Variants in COG4 observed in about 807,000 individuals in gnomAD.
COG4 encodes conserved oligomeric Golgi complex subunit 4.
COG4 carries 65 observed loss-of-function variants against 95.1 expected under a neutral mutation model. That is an observed-to-expected ratio of 0.68 (90% CI 0.56 to 0.84). The LOEUF is 0.84. Ranked by LOEUF, COG4 falls within the 40% of genes least tolerant of loss-of-function variation. COG4 has a pLI of 0.00. For missense variants in COG4, 1,045 were observed against 989.1 expected (o/e 1.06, Z -0.76); for synonymous variants, 421 against 374.8 (o/e 1.12, Z -1.42).
intron 8 of COG4, among the ~76,000 whole-genome samples, chr16:70,506,618 C>T (rs4985410): frequency 1.7e-5 from 1 of 59,944 alleles, no homozygotes; most frequent in Non-Finnish European, 2.9e-5. Flanking sequence ...AAAAAAAAAA[C>T]AAAAAAAAAA....
chr16:70,522,579 G>T (rs1272015315), intron 1 of COG4, among the ~76,000 whole-genome samples: 2 of 152,218 alleles, frequency 1.3e-5, no homozygotes, highest in Non-Finnish European at 2.9e-5. Flanking sequence ...TCTCCCTCAG[G>T]CTGAAACTGC....
rs533096914 is a variant in COG4, at chr16:70,521,864, G to C, written c.171+1509C>G. Among the ~76,000 whole-genome samples the C allele has an allele frequency of 7.2e-4, 109 of 151,426 alleles. 1 individual carries two copies. Among genetic ancestry groups the C allele is most frequent in the African/African-American group, 2.5e-3 (104 of 41,260 alleles). On this transcript the variant is annotated intron_variant, in intron 1 of 18. Coordinates refer to ENST00000323786, the MANE Select transcript of COG4 (RefSeq NM_015386.3). ...CTACAGGCGCCCGCCACCACGCCCGGCTAATTTTTTGTATTTTTAGTAGAG... is the reference window on the plus strand; with the variant it reads ...CTACAGGCGCCCGCCACCACGCCCGCCTAATTTTTTGTATTTTTAGTAGAG...
Position 70,482,155 on chromosome 16 carries a change from C to T in COG4, c.1941G>A (p.Glu647=). 1 of 1,613,704 alleles carries T rather than the reference C, an allele frequency of 6.2e-7. No homozygotes were observed. The highest frequency in any genetic ancestry group is 8.5e-7 in the Non-Finnish European group (1 of 1,179,638). ...ACTGTTGTACCCAAGGGTCGTTGGC[C>T]TCATAGTCATTGAATTCTTCCTGTT... is the stretch of plus-strand genomic sequence containing the variant. ...NIEEEEFNDY[E]ANDPWVQQFI... Residue 647 remains glutamate (E), a synonymous_variant, in exon 16 of 19, where the codon GAG becomes GAA. Transcript: ENST00000323786.
chr16:70,493,644 C>A (rs937966041), intron 12 of COG4, among the ~76,000 whole-genome samples: 8 of 152,164 alleles, frequency 5.3e-5, no homozygotes, highest in Admixed American at 3.9e-4. Context: ...TTCACAGACA[C>A]GTGCAGGGAA....
intron 8 of COG4, among the ~76,000 whole-genome samples, chr16:70,506,770 G>C (rs1239641588): frequency 2.6e-5 from 4 of 151,100 alleles, no homozygotes; most frequent in Admixed American, 2.6e-4. Context: ...CTCCAGCCTG[G>C]GAAACAGAGA....
chr16:70,515,815 G>A (rs1340995728), intron 3 of COG4: 1 of 325,140 alleles, frequency 3.1e-6, no homozygotes, highest in Non-Finnish European at 6.0e-6. Flanking sequence ...CAGTAAGTAT[G>A]ATATTAGCTG....
chr16:70,495,240 A>T (rs1367497433), intron 12 of COG4, among the ~76,000 whole-genome samples: 1 of 151,772 alleles, frequency 6.6e-6, no homozygotes, highest in African/African-American at 2.4e-5. Context: ...AAAAAAAAAA[A>T]AAAAAAATTA....
intron 13 of COG4, among the ~76,000 whole-genome samples, chr16:70,486,767 C>A (rs1460358359): frequency 6.6e-6 from 1 of 150,990 alleles, no homozygotes; most frequent in Non-Finnish European, 1.5e-5. Flanking sequence ...GAGGCCGAGG[C>A]GGGCAGATCA....
rs1403503428 is a variant in COG4, at chr16:70,508,386, GAAGA to G, written c.1061+16_1061+19del. On this transcript the variant is annotated intron_variant, in intron 8 of 18. Coordinates refer to ENST00000323786, the MANE Select transcript of COG4 (RefSeq NM_015386.3). ...CCAATTCAAACTCCTGTGGGCTGAA[GAAGA>G]GAGAAGGATTATTACCTTGGTTCGA... The G allele has an allele frequency of 3.7e-6, 6 of 1,606,220 alleles. No individual in the cohort carries two copies. The East Asian group carries it at 1.3e-4, about 36-fold the overall frequency.
chr16:70,520,357 G>A (rs1443452909), intron 1 of COG4, among the ~76,000 whole-genome samples: 2 of 113,932 alleles, frequency 1.8e-5, no homozygotes, highest in African/African-American at 3.4e-5. Context: ...GCAGGAGAAT[G>A]ACATGAACCC....
At chr16:70,509,201 C>T (rs552675620) in intron 7 of COG4, 30 bp downstream of exon 7, 17 of 1,613,852 alleles carry the variant, frequency 1.1e-5, no homozygotes, top group Admixed American at 1.7e-5. Context: ...AAGCTGCTAC[C>T]AAACCCTACC....
In COG4 at chr16:70,509,900, GGA is replaced by G; in HGVS notation, c.844+14_844+15del. 6.3e-7 allele frequency: 1 copy of G among 1,593,696 alleles called. No individual in the cohort carries two copies. The highest frequency in any genetic ancestry group is 8.6e-7 in the Non-Finnish European group (1 of 1,161,452). On this transcript the variant is annotated intron_variant, in intron 6 of 18. Transcript: ENST00000323786. ...ATACAGTCTCCAGTCTCTCTAGAGCGGAGAAAGAGGCTCACCTTCAAACAGAA... is the reference window on the plus strand; with the variant it reads ...ATACAGTCTCCAGTCTCTCTAGAGCGGAAAGAGGCTCACCTTCAAACAGAA...
chr16:70,482,098 C>G lies in COG4; in HGVS notation c.1998G>C (p.Glu666Asp). 1 of 1,613,692 alleles carries G rather than the reference C, an allele frequency of 6.2e-7. No homozygotes were observed. Among genetic ancestry groups the G allele is most frequent in the Non-Finnish European group, 8.5e-7 (1 of 1,179,602 alleles). Residue 666 changes from glutamate (E) to aspartate (D), a missense_variant, in exon 16 of 19, where the codon GAG (glutamate) becomes GAC (aspartate). Coordinates refer to ENST00000323786, the MANE Select transcript of COG4 (RefSeq NM_015386.3). Reference sequence around the variant, plus strand: ...CCCTAGGGCCCCTGCTCACCTTGAACTCTGCCATTTGCTGCTCCAGGTTAA... The same window carrying G: ...CCCTAGGGCCCCTGCTCACCTTGAAGTCTGCCATTTGCTGCTCCAGGTTAA... ...FILNLEQQMA[E>D]FKASLSPVIY... is the part of the protein sequence containing the mutation.
intron 4 of COG4, 46 bp downstream of exon 4, chr16:70,514,289 C>G: frequency 6.3e-7 from 1 of 1,577,138 alleles, no homozygotes; most frequent in East Asian, 2.2e-5. Flanking sequence ...CTTCAGATTA[C>G]AGATGATTTT....
At chr16:70,490,110 G>C (rs1262189482) in intron 13 of COG4, among the ~76,000 whole-genome samples, 6 of 152,184 alleles carry the variant, frequency 3.9e-5, no homozygotes, top group African/African-American at 1.4e-4. Flanking sequence ...GTGCCACCGT[G>C]CCTTGCCTGG....
At chr16:70,482,587 C>T (rs1567720459) in intron 15 of COG4, 142 bp downstream of exon 15, 3 of 729,010 alleles carry the variant, frequency 4.1e-6, no homozygotes, top group Non-Finnish European at 5.0e-6. Flanking sequence ...CTGGGAGGAA[C>T]CTAGTCTTCA....
intron 8 of COG4, among the ~76,000 whole-genome samples, chr16:70,502,316 C>A (rs576446731): frequency 1.4e-5 from 2 of 140,752 alleles, no homozygotes; most frequent in Non-Finnish European, 3.0e-5. Flanking sequence ...AAAAAGAGGC[C>A]GGGCGCAGTG....
rs928454056 is a variant in COG4, at chr16:70,523,548, C to T, written c.-5G>A. On this transcript the variant is annotated 5_prime_UTR_variant, in exon 1 of 19. Transcript: ENST00000323786. ...GTCCGCCATCTTGGTCCCCATTCGG[C>T]ACTTCCGGTCCCGCGAGGCCCCCTC... The T allele has an allele frequency of 3.7e-6, 6 of 1,613,634 alleles. No homozygotes were observed. The highest frequency in any genetic ancestry group is 1.1e-5 in the South Asian group (1 of 91,086).
At chr16:70,515,856 A>G (rs894497934) in intron 3 of COG4, 21 of 349,036 alleles carry the variant, frequency 6.0e-5, no homozygotes, top group African/African-American at 4.6e-4. Flanking sequence ...TTTTTGTAGG[A>G]CAGGGTCTTA....
Sources: gnomAD v4.1 joint callset for allele counts (sites outside exome capture counted in the v4.1 genomes callset) on GRCh38, gnomAD v4.1.1 for gene constraint, MANE v1.5 for transcripts, NCBI Gene and HGNC (gene_info 2026-07-23, HGNC 2026-07-21) for gene names.